Variants in TMC4 observed in about 807,000 individuals in gnomAD.
The protein encoded by TMC4 is transmembrane channel like 4.
A neutral mutation model predicts 82.0 loss-of-function variants in TMC4; 70 were observed. That is an observed-to-expected ratio of 0.85 (90% CI 0.70 to 1.04). TMC4 has a LOEUF of 1.04. Among genes scored for constraint, TMC4 ranks in the 50% least tolerant of loss-of-function variants. The probability of loss-of-function intolerance (pLI) is 0.00; values close to 1 mark genes in which losing one functional copy is unlikely to be tolerated. For missense variants in TMC4, 879 were observed against 899.0 expected (o/e 0.98, Z 0.28); for synonymous variants, 446 against 406.0 (o/e 1.10, Z -1.18).
intron 11 of TMC4, among the ~76,000 whole-genome samples, chr19:54,161,471 C>T (rs1289308690): frequency 6.6e-6 from 1 of 151,420 alleles, no homozygotes; most frequent in Non-Finnish European, 1.5e-5. Context: ...GTCTCAGCCT[C>T]CCGAGTAGCT....
chr19:54,160,488 C>T lies in TMC4; in HGVS notation c.2031G>A (p.Glu677=). The T allele has an allele frequency of 6.2e-7, 1 of 1,614,164 alleles. No individual in the cohort carries two copies. The highest frequency in any genetic ancestry group is 1.1e-5 in the South Asian group (1 of 91,086). The change falls in exon 14 of 15, where the codon GAG becomes GAA. Residue 677 remains glutamate (E), a synonymous_variant. Coordinates refer to ENST00000619895, the MANE Select transcript of TMC4 (RefSeq NM_144686.4). ...TCACCGTCTCTCTCTGACGTTTGAG[C>T]TCAGAGATGAGGCGTCCGTAGGAGT... ...LANSYGRLIS[E]LKRQRETEAQ... is the part of the protein sequence containing the mutation.
chr19:54,165,509 G>A lies in TMC4; in HGVS notation c.855C>T (p.Tyr285=), dbSNP rs746345056. 1.2e-6 allele frequency: 2 copies of A among 1,612,676 alleles called. No homozygotes were observed. Among genetic ancestry groups the A allele is most frequent in the East Asian group, 4.5e-5 (2 of 44,846 alleles). Reference sequence around the variant, plus strand: ...CCCAGGCCGAGAACACCCGGTGGCTGTAGCTGGTCAGAGCCTCGGACTCCG... The same window carrying A: ...CCCAGGCCGAGAACACCCGGTGGCTATAGCTGGTCAGAGCCTCGGACTCCG... The part of the protein sequence containing the change: ...LLAESEALTS[Y]SHRVFSAWDF... Residue 285 remains tyrosine, a synonymous_variant, in exon 6 of 15, where the codon TAC becomes TAT. Coordinates refer to ENST00000619895, the MANE Select transcript of TMC4 (RefSeq NM_144686.4).
Position 54,168,234 on chromosome 19 carries a change from G to A in TMC4, c.734C>T (p.Ala245Val), listed in dbSNP as rs905484182. ...AAAGGCCCAGCACAGGTAGGTGACC[G>A]CCAGGCGTGGGCGGGGCGGGTAGAA... ...YGFYPPRPRL[A>V]VTYLCWAFAV... The change falls in exon 5 of 15, where the codon GCG (alanine) becomes GTG (valine). Residue 245 changes from alanine (A) to valine (V), a missense_variant. Ala to Val is a moderately conservative substitution (Grantham distance 64). Coordinates refer to ENST00000619895, the MANE Select transcript of TMC4 (RefSeq NM_144686.4). 5 of 1,581,366 alleles carry A rather than the reference G, an allele frequency of 3.2e-6. No individual in the cohort carries two copies. Among genetic ancestry groups the A allele is most frequent in the Non-Finnish European group, 4.3e-6 (5 of 1,163,240 alleles).
chr19:54,167,537 C>T (rs892638897), intron 5 of TMC4, among the ~76,000 whole-genome samples: 4 of 150,550 alleles, frequency 2.7e-5, no homozygotes, highest in Non-Finnish European at 4.4e-5. Flanking sequence ...CCAGCCTGGG[C>T]GACAGAGTAA....
chr19:54,171,042 G>GT (rs574495064), intron 2 of TMC4, among the ~76,000 whole-genome samples: 95 of 136,442 alleles, frequency 7.0e-4, no homozygotes, highest in African/African-American at 2.4e-3. Flanking sequence ...ATTTTTTATT[G>GT]TTTTTTCCAT....
intron 7 of TMC4, among the ~76,000 whole-genome samples, chr19:54,164,224 C>T (rs1018936689): frequency 5.9e-5 from 9 of 152,050 alleles, no homozygotes; most frequent in African/African-American, 2.2e-4. Flanking sequence ...CCGCCCGCCT[C>T]AGCCTCCCAA....
Position 54,162,251 on chromosome 19 carries a change from GACCCAGC to G in TMC4, c.1530_1536del (p.Leu511ValfsTer48), listed in dbSNP as rs756491176. The stretch of plus-strand genomic sequence containing the variant: ...TGGAACTCTTGGGTCCCCGCCAGAC[GACCCAGC>G]GCCCCAGGACAGAGGCCACAGAGGA... On this transcript the variant is annotated frameshift_variant, in exon 11 of 15. Coordinates refer to ENST00000619895, the MANE Select transcript of TMC4 (RefSeq NM_144686.4). LOFTEE classifies it high-confidence loss of function. 7 of 1,605,634 alleles carry G rather than the reference GACCCAGC, an allele frequency of 4.4e-6. No homozygotes were observed. The highest frequency in any genetic ancestry group is 3.3e-5 in the South Asian group (3 of 89,902).
At chr19:54,170,650 C>T (rs2075860621) in intron 2 of TMC4, among the ~76,000 whole-genome samples, 1 of 151,988 alleles carries the variant, frequency 6.6e-6, no homozygotes, top group Non-Finnish European at 1.5e-5. Flanking sequence ...CTGATTTTTA[C>T]AGACAAATGT....
chr19:54,167,011 C>A (rs2075722256), intron 5 of TMC4, among the ~76,000 whole-genome samples: 1 of 151,924 alleles, frequency 6.6e-6, no homozygotes, highest in Non-Finnish European at 1.5e-5. Context: ...GTAATTCCAG[C>A]ACCTTGGGAG....
At position 54,163,867 on chromosome 19, in the gene TMC4, C is replaced by T. The variant is rs765775499; in HGVS notation, c.1134G>A (p.Glu378=). The change falls in exon 8 of 15, where the codon GAG becomes GAA. Residue 378 remains glutamate (E), a synonymous_variant. Coordinates refer to ENST00000619895, the MANE Select transcript of TMC4 (RefSeq NM_144686.4). The part of the protein sequence containing the change: ...VELQEMPLVQ[E]LPLLKLGVNY... ...TCACCCCAAGCTTCAGCAGTGGCAA[C>T]TCCTGGACAAGGGGCATCTCCTGGG... is the stretch of plus-strand genomic sequence containing the variant. 16 of 1,614,084 alleles carry T rather than the reference C, an allele frequency of 9.9e-6. No individual in the cohort carries two copies. The highest frequency in any genetic ancestry group is 1.4e-5 in the Non-Finnish European group (16 of 1,180,016).
intron 5 of TMC4, among the ~76,000 whole-genome samples, chr19:54,166,867 T>G (rs1464152674): frequency 6.6e-6 from 1 of 151,874 alleles, no homozygotes; most frequent in East Asian, 1.9e-4. Context: ...GCAGGAAAAT[T>G]GCTTGAACCC....
chr19:54,170,943 C>A (rs1432187893), intron 2 of TMC4, among the ~76,000 whole-genome samples: 2 of 151,830 alleles, frequency 1.3e-5, no homozygotes, highest in African/African-American at 2.4e-5. Context: ...AGATGGGGGT[C>A]TCGCTATGTT....
Position 54,162,664 on chromosome 19 carries a change from G to A in TMC4, c.1502+9C>T, listed in dbSNP as rs1425772508. On this transcript the variant is annotated intron_variant, in intron 10 of 14. Transcript: ENST00000619895. ...GGGGCGGGGCCACAGCAAGGGGCGGGGCTCTCACTTTCTAGGAAACTGGAT... is the reference window on the plus strand; with the variant it reads ...GGGGCGGGGCCACAGCAAGGGGCGGAGCTCTCACTTTCTAGGAAACTGGAT... The A allele has an allele frequency of 6.2e-7, 1 of 1,610,334 alleles. No individual in the cohort carries two copies. Among genetic ancestry groups the A allele is most frequent in the Non-Finnish European group, 8.5e-7 (1 of 1,177,388 alleles).
At chr19:54,170,705 T>C (rs977724070) in intron 2 of TMC4, among the ~76,000 whole-genome samples, 1 of 152,160 alleles carries the variant, frequency 6.6e-6, no homozygotes, top group Non-Finnish European at 1.5e-5. Flanking sequence ...CAATCATAGC[T>C]CAATGCAGCC....
In TMC4 at chr19:54,162,278, A is replaced by G. The variant is rs773664919; in HGVS notation, c.1510T>C (p.Cys504Arg). Residue 504 changes from cysteine to arginine, a missense_variant, in exon 11 of 15, where the codon TGT becomes CGT. By Grantham distance (180) the Cys-to-Arg change is radical. Transcript: ENST00000619895. ...CCCAGCGCCCCAGGACAGAGGCCAC[A>G]GAGGAGCCTGAAGGACGGGGCGGGG... ...LLIQFPRKLL[C>R]GLCPGALGRL... is the part of the protein sequence containing the mutation. 1.3e-6 allele frequency: 2 copies of G among 1,574,054 alleles called. No homozygotes were observed. Among genetic ancestry groups the G allele is most frequent in the Non-Finnish European group, 8.6e-7 (1 of 1,162,458 alleles).
intron 7 of TMC4, among the ~76,000 whole-genome samples, chr19:54,164,225 A>C (rs1264313710): frequency 6.6e-6 from 1 of 151,588 alleles, no homozygotes; most frequent in Non-Finnish European, 1.5e-5. Context: ...CGCCCGCCTC[A>C]GCCTCCCAAA....
At chr19:54,161,551 C>G (rs747892763) in intron 11 of TMC4, among the ~76,000 whole-genome samples, 22 of 144,410 alleles carry the variant, frequency 1.5e-4, no homozygotes, top group Non-Finnish European at 2.9e-4. Flanking sequence ...TTTGTTTTCT[C>G]TTTTTGAGAC....
chr19:54,162,723 A>C lies in TMC4; in HGVS notation c.1452T>G (p.Phe484Leu). ...CGACTGCCAAGACAGTCAGCAGATC[A>C]AAGAGCAGAAGTTTGTACATTTCCT... ...LGQEMYKLLLFDLLTVLAVAL... is the reference protein window; with the variant it reads ...LGQEMYKLLLLDLLTVLAVAL... The change falls in exon 10 of 15, where the codon TTT becomes TTG. Residue 484 changes from phenylalanine to leucine, a missense_variant. Phe to Leu is a conservative substitution (Grantham distance 22, BLOSUM62 0). Transcript: ENST00000619895. The C allele has an allele frequency of 6.2e-7, 1 of 1,614,148 alleles. No homozygotes were observed. Among genetic ancestry groups the C allele is most frequent in the Non-Finnish European group, 8.5e-7 (1 of 1,180,028 alleles).
At chr19:54,164,970 G>C (rs903228395) in intron 6 of TMC4, among the ~76,000 whole-genome samples, 1 of 151,922 alleles carries the variant, frequency 6.6e-6, no homozygotes, top group Non-Finnish European at 1.5e-5. Context: ...TTCCAGTTCA[G>C]CTGTATCAAG....
Sources: allele counts gnomAD v4.1 joint callset (sites outside exome capture counted in the v4.1 genomes callset), GRCh38; gene constraint gnomAD v4.1.1; transcripts MANE v1.5; gene names NCBI Gene and HGNC (gene_info 2026-07-23, HGNC 2026-07-21).